MLLT3: variants seen among roughly 807,000 people sequenced by gnomAD.
The protein encoded by MLLT3 is MLLT3 super elongation complex subunit.
A neutral mutation model predicts 53.2 loss-of-function variants in MLLT3; 4 were observed. The observed-to-expected ratio is 0.08, with a 90% confidence interval of 0.04 to 0.17. The LOEUF is 0.17. MLLT3 is among the 10% of genes least tolerant of loss of function. The probability of loss-of-function intolerance (pLI) is 1.00; values close to 1 mark genes in which losing one functional copy is unlikely to be tolerated. For missense variants in MLLT3, 569 were observed against 684.0 expected, an observed-to-expected ratio of 0.83 and a Z score of 1.87; for synonymous variants, 283 against 230.6, an observed-to-expected ratio of 1.23 and a Z score of -2.06.
chr9:20,358,635 T>C (rs1373589084), intron 8 of MLLT3, among the ~76,000 whole-genome samples: 1 of 152,118 alleles, frequency 6.6e-6, no homozygotes, highest in Non-Finnish European at 1.5e-5. Flanking sequence ...AGTGAAGCCA[T>C]AAGGTTTGAA....
At chr9:20,372,554 A>ATTTTTTT (rs34889625) in intron 5 of MLLT3, among the ~76,000 whole-genome samples, 1 of 82,226 alleles carries the variant, frequency 1.2e-5, no homozygotes, top group Non-Finnish European at 2.2e-5. Flanking sequence ...CGCCCGGCTA[A>ATTTTTTT]TTTTTTTTTT....
At chr9:20,412,450 G>A (rs569054831) in intron 5 of MLLT3, among the ~76,000 whole-genome samples, 4 of 151,926 alleles carry the variant, frequency 2.6e-5, no homozygotes, top group Non-Finnish European at 2.9e-5. Flanking sequence ...CCAAAATTTC[G>A]AGATTAGCTA....
At chr9:20,438,092 A>C (rs1436731284) in intron 4 of MLLT3, among the ~76,000 whole-genome samples, 1 of 152,236 alleles carries the variant, frequency 6.6e-6, no homozygotes, top group East Asian at 1.9e-4. Context: ...GCAGAGTGGC[A>C]GAATGAGAGG....
At chr9:20,534,035 T>C (rs1818413988) in intron 2 of MLLT3, among the ~76,000 whole-genome samples, 1 of 152,150 alleles carries the variant, frequency 6.6e-6, no homozygotes. Context: ...GTATATCAAA[T>C]CATCAGGCTG....
At chr9:20,533,248 G>T in intron 2 of MLLT3, 1 of 318,498 alleles carries the variant, frequency 3.1e-6, no homozygotes, top group South Asian at 3.3e-5. Context: ...CAGATATGAT[G>T]AGATCTGCCG....
chr9:20,489,331 A>C (rs1372573786), intron 2 of MLLT3, among the ~76,000 whole-genome samples: 11 of 152,194 alleles, frequency 7.2e-5, no homozygotes. Context: ...TGTCATTAGA[A>C]GGTCTAACAC....
intron 2 of MLLT3, among the ~76,000 whole-genome samples, chr9:20,588,402 G>A (rs1820036171): frequency 6.6e-6 from 1 of 151,676 alleles, no homozygotes; most frequent in Non-Finnish European, 1.5e-5. Flanking sequence ...GCTTGATGGG[G>A]ATGGCATTGA....
At chr9:20,561,866 G>A (rs569166786) in intron 2 of MLLT3, among the ~76,000 whole-genome samples, 20 of 151,874 alleles carry the variant, frequency 1.3e-4, no homozygotes, top group South Asian at 4.2e-4. Context: ...TGTCCTACTC[G>A]CTGCGTATCA....
chr9:20,517,399 A>G (rs1038278610), intron 2 of MLLT3, among the ~76,000 whole-genome samples: 5 of 152,108 alleles, frequency 3.3e-5, no homozygotes, highest in African/African-American at 7.2e-5. Context: ...CAATCCCCCA[A>G]TAAAAGGAAC....
At chr9:20,452,643 C>A (rs1823867088) in intron 3 of MLLT3, among the ~76,000 whole-genome samples, 1 of 152,158 alleles carries the variant, frequency 6.6e-6, no homozygotes, top group African/African-American at 2.4e-5. Flanking sequence ...AATGAACACT[C>A]TGAAGCAAGA....
intron 2 of MLLT3, among the ~76,000 whole-genome samples, chr9:20,507,996 C>G (rs998563070): frequency 6.6e-6 from 1 of 151,990 alleles, no homozygotes; most frequent in Non-Finnish European, 1.5e-5. Flanking sequence ...GAAATTAATT[C>G]AATAACATTA....
At chr9:20,394,352 T>C (rs1289262097) in intron 5 of MLLT3, among the ~76,000 whole-genome samples, 4 of 152,140 alleles carry the variant, frequency 2.6e-5, no homozygotes, top group Non-Finnish European at 4.4e-5. Flanking sequence ...AAAAAGAAGA[T>C]GAGCCGCAGC....
intron 2 of MLLT3, among the ~76,000 whole-genome samples, chr9:20,600,929 C>T (rs1176202008): frequency 6.6e-6 from 1 of 152,176 alleles, no homozygotes; most frequent in African/African-American, 2.4e-5. Flanking sequence ...ACGGCACCTT[C>T]AATGGTAAAA....
At chr9:20,386,410 A>C (rs1261829936) in intron 5 of MLLT3, among the ~76,000 whole-genome samples, 1 of 152,186 alleles carries the variant, frequency 6.6e-6, no homozygotes, top group African/African-American at 2.4e-5. Context: ...CCAAAGTCTG[A>C]CAAGTTAGCC....
intron 8 of MLLT3, among the ~76,000 whole-genome samples, chr9:20,356,033 G>A (rs370819399): frequency 1.3e-5 from 2 of 152,152 alleles, no homozygotes; most frequent in East Asian, 3.9e-4. Flanking sequence ...GGACCGCAAA[G>A]GATGAAATGG....
chr9:20,610,643 T>C (rs1469002819), intron 2 of MLLT3, among the ~76,000 whole-genome samples: 3 of 152,150 alleles, frequency 2.0e-5, no homozygotes, highest in Admixed American at 6.5e-5. Flanking sequence ...CTATAAGTAG[T>C]ATCTACAGTG....
chr9:20,477,402 G>A (rs1824551940), intron 2 of MLLT3, among the ~76,000 whole-genome samples: 1 of 151,990 alleles, frequency 6.6e-6, no homozygotes. Context: ...AATGGCATTT[G>A]ACTAACAAAC....
At chr9:20,426,754 CA>C (rs1203913357) in intron 4 of MLLT3, among the ~76,000 whole-genome samples, 4 of 151,818 alleles carry the variant, frequency 2.6e-5, no homozygotes. Flanking sequence ...TAGATAATTA[CA>C]ACAAAACTTC....
chr9:20,524,383 C>G (rs1818145960), intron 2 of MLLT3, among the ~76,000 whole-genome samples: 1 of 152,024 alleles, frequency 6.6e-6, no homozygotes, highest in Non-Finnish European at 1.5e-5. Flanking sequence ...ACAATCTCTG[C>G]AAAAACTTCT....
Sources: allele counts gnomAD v4.1 joint callset (sites outside exome capture counted in the v4.1 genomes callset), GRCh38; gene constraint gnomAD v4.1.1; transcripts MANE v1.5; gene names NCBI Gene and HGNC (gene_info 2026-07-23, HGNC 2026-07-21).